Variants in SOX5 observed in about 807,000 individuals in gnomAD.
SOX5 encodes SRY-box transcription factor 5, also known as transcription factor SOX-5.
In SOX5, 9 loss-of-function variants were observed where a neutral mutation model predicts 92.0. That is an observed-to-expected ratio of 0.10 (90% CI 0.06 to 0.17). The LOEUF is 0.17. Among genes scored for constraint, SOX5 ranks in the 10% least tolerant of loss-of-function variants. The probability of loss-of-function intolerance (pLI) is 1.00; values close to 1 mark genes in which losing one functional copy is unlikely to be tolerated. For missense variants in SOX5, 642 were observed against 944.5 expected, an observed-to-expected ratio of 0.68 and a Z score of 4.20; for synonymous variants, 344 against 336.3, an observed-to-expected ratio of 1.02 and a Z score of -0.25.
chr12:23,872,020 C>T (rs1353484733), intron 2 of SOX5, among the ~76,000 whole-genome samples: 3 of 148,478 alleles, frequency 2.0e-5, no homozygotes, highest in Non-Finnish European at 4.5e-5. Flanking sequence ...TTTTTTGAGA[C>T]GGAGTCTTGC....
chr12:24,294,858 T>C (rs1431439555), intron 2 of SOX5, among the ~76,000 whole-genome samples: 2 of 152,212 alleles, frequency 1.3e-5, no homozygotes, highest in Non-Finnish European at 2.9e-5. Flanking sequence ...GCACAATTCA[T>C]CTCTCTTGGT....
At chr12:24,344,281 C>CAAAAAAAAAAAAAAAAAAA (rs61660537) in intron 2 of SOX5, among the ~76,000 whole-genome samples, 1 of 104,288 alleles carries the variant, frequency 9.6e-6, no homozygotes, top group African/African-American at 3.6e-5. Flanking sequence ...GACTCTGTCT[C>CAAAAAAAAAAAAAAAAAAA]AAAAAAAAAA....
chr12:23,927,539 C>T (rs971525036), intron 1 of SOX5, among the ~76,000 whole-genome samples: 2 of 152,038 alleles, frequency 1.3e-5, no homozygotes, highest in African/African-American at 4.8e-5. Context: ...GAAAATCCTT[C>T]ATCTTGTTAA....
At chr12:23,760,680 A>G (rs1334619302) in intron 3 of SOX5, among the ~76,000 whole-genome samples, 1 of 152,044 alleles carries the variant, frequency 6.6e-6, no homozygotes, top group Non-Finnish European at 1.5e-5. Context: ...CTCATTCCCT[A>G]TAACTCTCAC....
chr12:23,583,931 T>C (rs1045373800), intron 9 of SOX5, among the ~76,000 whole-genome samples: 2 of 152,078 alleles, frequency 1.3e-5, no homozygotes, highest in Admixed American at 1.3e-4. Context: ...AATGATGGAA[T>C]AGATTAACAA....
intron 4 of SOX5, among the ~76,000 whole-genome samples, chr12:24,092,710 C>G (rs1569539911): frequency 6.6e-6 from 1 of 152,216 alleles, no homozygotes; most frequent in Admixed American, 6.5e-5. Flanking sequence ...TGTGTAAAAA[C>G]ATCTGTAATA....
chr12:24,212,702 G>A (rs1565668756), intron 4 of SOX5, among the ~76,000 whole-genome samples: 1 of 152,212 alleles, frequency 6.6e-6, no homozygotes, highest in Non-Finnish European at 1.5e-5. Context: ...ACTGAGAAAC[G>A]TGACTAAAAC....
intron 8 of SOX5, among the ~76,000 whole-genome samples, chr12:23,628,510 T>A (rs1322592281): frequency 6.6e-6 from 1 of 152,118 alleles, no homozygotes; most frequent in East Asian, 1.9e-4. Context: ...TTGTTGTAAT[T>A]TTCATGTTAG....
chr12:24,283,441 G>A (rs1360420366), intron 2 of SOX5, among the ~76,000 whole-genome samples: 2 of 152,142 alleles, frequency 1.3e-5, no homozygotes, highest in East Asian at 1.9e-4. Flanking sequence ...TTGCATATAC[G>A]GTGCCTTTGT....
chr12:24,038,553 G>A (rs1956256480), intron 4 of SOX5, among the ~76,000 whole-genome samples: 1 of 152,072 alleles, frequency 6.6e-6, no homozygotes, highest in Non-Finnish European at 1.5e-5. Flanking sequence ...TGACACAATG[G>A]GAACTTCAAC....
At chr12:23,757,565 C>T (rs1018273725) in intron 3 of SOX5, among the ~76,000 whole-genome samples, 6 of 151,926 alleles carry the variant, frequency 3.9e-5, no homozygotes, top group African/African-American at 1.4e-4. Flanking sequence ...ACAAACACCA[C>T]TGTCTCTTTT....
chr12:23,665,318 G>T, intron 7 of SOX5, 126 bp downstream of exon 7: 2 of 1,039,798 alleles, frequency 1.9e-6, no homozygotes, highest in Non-Finnish European at 2.9e-6. Flanking sequence ...CATTCTGTGT[G>T]TTTCCTCTTT....
chr12:23,611,394 G>GTA (rs201148440), intron 8 of SOX5, among the ~76,000 whole-genome samples: 35,467 of 148,188 alleles, frequency 0.24, 4,840 homozygotes, highest in Middle Eastern at 0.36. Context: ...GTGTGTGTGT[G>GTA]TATTTATACA....
chr12:24,487,086 A>G (rs1483985778), intron 1 of SOX5, among the ~76,000 whole-genome samples: 1 of 152,200 alleles, frequency 6.6e-6, no homozygotes, highest in East Asian at 1.9e-4. Context: ...TTTCACTATT[A>G]TATCAATCCA....
intron 4 of SOX5, among the ~76,000 whole-genome samples, chr12:23,998,507 A>G (rs1386767127): frequency 6.6e-6 from 1 of 151,950 alleles, no homozygotes; most frequent in East Asian, 1.9e-4. Flanking sequence ...AGAGAGGAGG[A>G]AAAAAAGGGG....
rs142407028 is a variant in SOX5 at position 23,791,735 on chromosome 12, G to A, written c.482-36011C>T. Among the ~76,000 whole-genome samples the A allele has an allele frequency of 8.3e-3, 1,256 of 152,110 alleles. 28 individuals are homozygous for A. The highest frequency in any genetic ancestry group is 0.029 in the African/African-American group (1,192 of 41,496). On this transcript the variant is annotated intron_variant, in intron 3 of 14. Transcript: ENST00000451604. ...ACTTACTTTGTTTATATGAATTACT[G>A]AGACTCAGTAACTTCTAAATTGTGG...
intron 4 of SOX5, among the ~76,000 whole-genome samples, chr12:24,112,521 C>CTT (rs139323766): frequency 0.023 from 1,724 of 75,698 alleles, 221 homozygotes; most frequent in Admixed American, 0.044. Context: ...TTCAAGGTTC[C>CTT]TTTTTTTTTT....
intron 4 of SOX5, among the ~76,000 whole-genome samples, chr12:24,203,333 G>C (rs1267571416): frequency 6.6e-6 from 1 of 152,074 alleles, no homozygotes; most frequent in East Asian, 1.9e-4. Context: ...CATGTTTCTG[G>C]TTCTGGCCCT....
intron 3 of SOX5, among the ~76,000 whole-genome samples, chr12:23,797,603 C>G (rs531350220): frequency 7.9e-5 from 12 of 152,098 alleles, no homozygotes; most frequent in Admixed American, 6.5e-4. Context: ...GCAAATGCCA[C>G]GTACCTATAT....
Sources: allele counts gnomAD v4.1 joint callset (sites outside exome capture counted in the v4.1 genomes callset), GRCh38; gene constraint gnomAD v4.1.1; transcripts MANE v1.5; gene names NCBI Gene and HGNC (gene_info 2026-07-23, HGNC 2026-07-21).